Variants in OR3A2 observed in about 807,000 individuals in gnomAD.
OR3A2 encodes the protein olfactory receptor 3A2.
For missense variants in OR3A2, 318 were observed against 392.8 expected (o/e 0.81, Z 1.61); for synonymous variants, 126 against 159.3 (o/e 0.79, Z 1.57).
rs191019317 is a variant in OR3A2 at position 3,359,540 on chromosome 17, T to C, written c.-178-23414A>G. Among the ~76,000 whole-genome samples the C allele has an allele frequency of 1.4e-4, 21 of 151,878 alleles. No homozygotes were observed. The East Asian group carries it at 2.9e-3, about 21-fold the overall frequency. ...TTCTCCCTCACTTAGGAAACTTAGT[T>C]TGGCTGGATATGAAATTCTTGGTTG... On this transcript the variant is annotated intron_variant, in intron 2 of 4. Coordinates refer to the OR3A2 transcript ENST00000573491.
intron 3 of OR3A2, among the ~76,000 whole-genome samples, chr17:3,309,153 A>G (rs7219812): frequency 0.19 from 28,644 of 151,964 alleles, 4,225 homozygotes; most frequent in African/African-American, 0.41. Context: ...TGATCCACCC[A>G]CCGCGGCCTC....
At chr17:3,343,435 T>C (rs557934576) in intron 2 of OR3A2, among the ~76,000 whole-genome samples, 7 of 152,314 alleles carry the variant, frequency 4.6e-5, no homozygotes, top group African/African-American at 1.2e-4. Flanking sequence ...CAATAAGAAA[T>C]TGACTCACTG....
At chr17:3,330,883 CA>C (rs1340090622) in intron 3 of OR3A2, among the ~76,000 whole-genome samples, 1 of 152,000 alleles carries the variant, frequency 6.6e-6, no homozygotes, top group Non-Finnish European at 1.5e-5. Context: ...GCACTTCCTT[CA>C]GGAGCTCTTT....
Position 3,311,441 on chromosome 17 carries a change from G to T in OR3A2, c.-85+24592C>A. On this transcript the variant is annotated intron_variant, in intron 3 of 4. Transcript: ENST00000573491. This position sits in a 1 kb window ranked among gnomAD's most constrained non-coding sequence, Gnocchi z 4.6. The stretch of plus-strand genomic sequence containing the variant: ...CAGGGTGCCCTGGTGGGAATTTGCT[G>T]CACTGTCTCCTTCATCAATGCTCTG... 1 of 466,386 alleles carries T rather than the reference G, an allele frequency of 2.1e-6. No individual in the cohort carries two copies. The highest frequency in any genetic ancestry group is 5.7e-5 in the East Asian group (1 of 17,562). The allele number at this position is 466,386 out of a possible 1,614,324, so 28.9% of individuals were successfully genotyped here. A position where few individuals can be genotyped will look rare whatever the true frequency, so the allele number is the denominator to read the frequency against.
Position 3,322,104 on chromosome 17 carries a change from G to A in OR3A2, c.-85+13929C>T, listed in dbSNP as rs1380736440. On this transcript the variant is annotated intron_variant, in intron 3 of 4. Coordinates refer to the OR3A2 transcript ENST00000573491. ...CTTCTTCCTGGTTTAGTCTTGGGAG[G>A]ATGTACGTGTCGAGAAATTTATCCA... 5.9e-5 allele frequency among the ~76,000 whole-genome samples: 9 copies of A among 152,216 alleles called. No individual in the cohort carries two copies. The East Asian group carries it at 9.7e-4, about 16-fold the overall frequency.
chr17:3,364,017 A>G (rs1385646458), intron 2 of OR3A2, among the ~76,000 whole-genome samples: 1 of 152,192 alleles, frequency 6.6e-6, no homozygotes, highest in African/African-American at 2.4e-5. Flanking sequence ...CCAATTCGAC[A>G]TGAGATTTGG....
intron 3 of OR3A2, among the ~76,000 whole-genome samples, chr17:3,295,824 AAAG>A (rs563574553): frequency 6.6e-6 from 1 of 152,116 alleles, no homozygotes; most frequent in South Asian, 2.1e-4. Flanking sequence ...TAAATGAGGA[AAAG>A]AAGAGCATTT....
chr17:3,372,847 A>AGGAGAGGGAGAGGAGAG (rs2049643331), intron 2 of OR3A2, among the ~76,000 whole-genome samples: 6 of 65,130 alleles, frequency 9.2e-5, no homozygotes, highest in African/African-American at 1.7e-4. Flanking sequence ...GAGAAGGAGA[A>AGGAGAGGGAGAGGAGAG]GGAGAGGGAG....
chr17:3,344,389 T>C (rs7222594), intron 2 of OR3A2, among the ~76,000 whole-genome samples: 20,953 of 152,106 alleles, frequency 0.14, 1,780 homozygotes, highest in African/African-American at 0.24. Flanking sequence ...ACAAACAAGA[T>C]AGCCTTGTGG....
chr17:3,344,299 C>T (rs975513893), intron 2 of OR3A2, among the ~76,000 whole-genome samples: 1 of 146,350 alleles, frequency 6.8e-6, no homozygotes, highest in Non-Finnish European at 1.5e-5. Flanking sequence ...AATAAAAATA[C>T]CCTGAAGAAG....
intron 3 of OR3A2, among the ~76,000 whole-genome samples, chr17:3,325,959 G>A (rs1213717595): frequency 6.6e-6 from 1 of 152,002 alleles, no homozygotes; most frequent in East Asian, 1.9e-4. Context: ...TCCCCCTGAA[G>A]GTTCTGGTGT....
intron 2 of OR3A2, among the ~76,000 whole-genome samples, chr17:3,371,572 ATT>A (rs2049621390): frequency 8.4e-6 from 1 of 119,624 alleles, no homozygotes; most frequent in African/African-American, 3.3e-5. Flanking sequence ...CGGGGGGCTG[ATT>A]CCCCCACCTC....
intron 3 of OR3A2, among the ~76,000 whole-genome samples, chr17:3,333,510 T>C (rs1597345900): frequency 6.6e-6 from 1 of 152,284 alleles, no homozygotes; most frequent in Non-Finnish European, 1.5e-5. Context: ...AAATCCTTAA[T>C]AAAAACTTGC....
rs546155882 is a variant in OR3A2 at position 3,300,684 on chromosome 17, A to T, written c.-84-21531T>A. 3.8e-4 allele frequency among the ~76,000 whole-genome samples: 47 copies of T among 123,378 alleles called. No individual in the cohort carries two copies. In the East Asian group the frequency reaches 0.029, roughly 75 times the overall value. The allele number at this position is 123,378 out of a possible 152,430, so 80.9% of individuals were successfully genotyped here. ...TTGATGAAAATATTGAGCAACAAAA[A>T]TTTTTTTCTTTTTTTTTTAAATTAT... On this transcript the variant is annotated intron_variant, in intron 3 of 4. Transcript: ENST00000573491.
chr17:3,375,138 CCTTTTTTTTTTTTTTTTT>C (rs2049669032), intron 2 of OR3A2, among the ~76,000 whole-genome samples: 1 of 36,310 alleles, frequency 2.8e-5, no homozygotes, highest in African/African-American at 7.8e-5. Flanking sequence ...GAGCCTTCTT[CCTTTTTTTTTTTTTTTTT>C]TTTTTTTTTT....
intron 3 of OR3A2, among the ~76,000 whole-genome samples, chr17:3,305,699 C>T (rs2048994749): frequency 6.6e-6 from 1 of 152,186 alleles, no homozygotes; most frequent in Non-Finnish European, 1.5e-5. Flanking sequence ...TTACACGAAG[C>T]TCAAATATAA....
intron 3 of OR3A2, among the ~76,000 whole-genome samples, chr17:3,302,725 C>A (rs2048974682): frequency 6.6e-6 from 1 of 152,190 alleles, no homozygotes; most frequent in South Asian, 2.1e-4. Context: ...TGTTGACCGA[C>A]TGGGAAAGGG....
chr17:3,376,737 C>T (rs183664748), intron 2 of OR3A2, among the ~76,000 whole-genome samples: 8 of 152,220 alleles, frequency 5.3e-5, no homozygotes, highest in Admixed American at 2.6e-4. Flanking sequence ...GCTATCAGGT[C>T]TTGCCTCTCC....
At chr17:3,309,509 C>G (rs1475602404) in intron 3 of OR3A2, among the ~76,000 whole-genome samples, 1 of 152,120 alleles carries the variant, frequency 6.6e-6, no homozygotes, top group Non-Finnish European at 1.5e-5. Flanking sequence ...CCAAACCCAC[C>G]TGGGAGCCTA....
Sources: gnomAD v4.1 joint callset for allele counts (sites outside exome capture counted in the v4.1 genomes callset) on GRCh38, gnomAD v4.1.1 for gene constraint, Gnocchi (gnomAD v3.1) non-coding constraint, MANE v1.5 for transcripts, NCBI Gene and HGNC (gene_info 2026-07-23, HGNC 2026-07-21) for gene names.